The following C17orf75 variants were observed in gnomAD, a reference collection of about 807,000 sequenced individuals.
C17orf75 encodes chromosome 17 open reading frame 75, also known as protein Njmu-R1.
C17orf75 carries 32 observed loss-of-function variants against 49.6 expected under a neutral mutation model. The observed-to-expected ratio is 0.65, with a 90% CI of 0.49 to 0.87. The LOEUF (loss-of-function observed/expected upper bound fraction) is 0.87. C17orf75 is among the 40% of genes least tolerant of loss of function. The pLI is 0.00. For synonymous variants in C17orf75, 158 were observed against 159.5 expected (o/e 0.99, Z 0.07); for missense variants, 428 against 473.9 (o/e 0.90, Z 0.90).
At chr17:32,339,230 T>C (rs2150777689) in intron 3 of C17orf75, among the ~76,000 whole-genome samples, 2 of 144,064 alleles carry the variant, frequency 1.4e-5, no homozygotes, top group Middle Eastern at 6.8e-3. Flanking sequence ...TCTGAGTTTA[T>C]TTCCTCATCT....
upstream of C17orf75, chr17:32,344,024 A>G: frequency 1.5e-6 from 1 of 676,920 alleles, no homozygotes; most frequent in Admixed American, 2.0e-5. Flanking sequence ...ACAGAACCAA[A>G]ACTGGGTGCA....
At chr17:32,338,054 C>G in intron 4 of C17orf75, 100 bp from the exon 5 acceptor site, 2 of 1,519,292 alleles carry the variant, frequency 1.3e-6, no homozygotes, top group South Asian at 2.3e-5. Context: ...GCTGCAAATG[C>G]AAACAAGCCA....
chr17:32,341,573 G>A (rs2041380364), intron 1 of C17orf75, among the ~76,000 whole-genome samples: 1 of 152,174 alleles, frequency 6.6e-6, no homozygotes, highest in South Asian at 2.1e-4. Context: ...AAAGTCAGAA[G>A]GAGGAAAAAG....
chr17:32,331,878 C>T lies in C17orf75; in HGVS notation c.1076G>A (p.Ser359Asn), dbSNP rs745905918. The change falls in exon 10 of 10, where the codon AGT becomes AAT. Residue 359 changes from serine (S) to asparagine (N), a missense_variant. By Grantham distance (46) the Ser-to-Asn change is conservative. Transcript: ENST00000577809. ...KCYMFLKNCG[S>N]GDILLKIVKV... ...AACAATCTTCAAAAGTATATCTCCA[C>T]TACCACAGTTCTTTAGGAACATGTA... The T allele has an allele frequency of 6.2e-7, 1 of 1,613,476 alleles. No homozygotes were observed. The highest frequency in any genetic ancestry group is 1.1e-5 in the South Asian group (1 of 91,080).
At chr17:32,344,007 T>A (rs1218606830), upstream of C17orf75, 2 of 680,370 alleles carry the variant, frequency 2.9e-6, no homozygotes, top group East Asian at 5.4e-5. Flanking sequence ...GTGGGTTTAA[T>A]CCTGGCACAG....
Position 32,335,407 on chromosome 17 carries a change from C to G in C17orf75, c.585G>C (p.Leu195=), listed in dbSNP as rs970620389. ...ATACAACATCCTCAAACCAGCTGCT[C>G]AGATAGGATTTTATGTGACTCTCCA... ...RGLESHIKSY[L]SSWFEDVVCP... Residue 195 remains leucine, a synonymous_variant, in exon 6 of 10, where the codon CTG becomes CTC. Coordinates refer to ENST00000577809, the MANE Select transcript of C17orf75 (RefSeq NM_022344.4). The G allele has an allele frequency of 3.7e-6, 6 of 1,613,800 alleles. No homozygotes were observed. Among genetic ancestry groups the G allele is most frequent in the Non-Finnish European group, 5.1e-6 (6 of 1,179,858 alleles).
chr17:32,332,694 AG>A (rs2041287627), intron 9 of C17orf75, among the ~76,000 whole-genome samples: 1 of 152,168 alleles, frequency 6.6e-6, no homozygotes, highest in Non-Finnish European at 1.5e-5. Flanking sequence ...TGAACCCAGG[AG>A]GTTAAGGCTG....
intron 3 of C17orf75, among the ~76,000 whole-genome samples, chr17:32,338,646 TA>T (rs1052334128): frequency 6.6e-6 from 1 of 152,036 alleles, no homozygotes; most frequent in African/African-American, 2.4e-5. Flanking sequence ...ATGTTTATAT[TA>T]AAAAAAAGTA....
In C17orf75 at chr17:32,334,307, T is replaced by C. The variant is rs182529057; in HGVS notation, c.871+162A>G. On this transcript the variant is annotated intron_variant, in intron 8 of 9. Transcript: ENST00000577809. ...TGCTAGGCATGGCATGATTTCCATGTTTCTAGAATTATATTGTTTTCACCA... is the reference window on the plus strand; with the variant it reads ...TGCTAGGCATGGCATGATTTCCATGCTTCTAGAATTATATTGTTTTCACCA... 8.5e-5 allele frequency among the ~76,000 whole-genome samples: 13 copies of C among 152,370 alleles called. No individual in the cohort carries two copies. In the East Asian group the frequency reaches 2.1e-3, roughly 25 times the overall value.
In C17orf75 at chr17:32,330,957, C is replaced by T. The variant is rs887603632; in HGVS notation, c.*806G>A. ...CTCCACCTCCTGGGTTCACGCCACT[C>T]TCCTGCCTCAGCCTCCAGAGTAGCT... On this transcript the variant is annotated 3_prime_UTR_variant, in exon 10 of 10. Transcript: ENST00000577809. 6 of 152,236 alleles carry T rather than the reference C, an allele frequency of 3.9e-5. No individual in the cohort carries two copies. The highest frequency in any genetic ancestry group is 8.8e-5 in the Non-Finnish European group (6 of 68,104). 9.4% of individuals were successfully genotyped at this position (152,236 alleles called of 1,614,324 possible).
chr17:32,349,335 A>T (rs1025794341), intron 1 of C17orf75, among the ~76,000 whole-genome samples: 2 of 151,626 alleles, frequency 1.3e-5, no homozygotes, highest in African/African-American at 2.4e-5. Context: ...GCAATCCAGC[A>T]CTTTGGGAGG....
Position 32,329,218 on chromosome 17 carries a change from C to G in C17orf75, c.*2545G>C, listed in dbSNP as rs1451687252. The G allele has an allele frequency of 6.6e-6, 1 of 152,206 alleles. No individual in the cohort carries two copies. Among genetic ancestry groups the G allele is most frequent in the Non-Finnish European group, 1.5e-5 (1 of 68,150 alleles). The allele number at this position is 152,206 out of a possible 1,614,324, so 9.4% of individuals were successfully genotyped here. ...AGTAGCTGGAACTACAGACGCCTGC[C>G]ACCACGCCCGGCTAATTTTTTGTAC... is the stretch of plus-strand genomic sequence containing the variant. On this transcript the variant is annotated 3_prime_UTR_variant, in exon 10 of 10. Coordinates refer to ENST00000577809, the MANE Select transcript of C17orf75 (RefSeq NM_022344.4).
intron 3 of C17orf75, 25 bp from the exon 4 acceptor site, chr17:32,338,376 T>A (rs2041346416): frequency 6.3e-7 from 1 of 1,594,146 alleles, no homozygotes. Context: ...AAATGTAAAA[T>A]GCATTATTTT....
upstream of C17orf75, chr17:32,342,314 G>C (rs1353823967): frequency 5.6e-6 from 6 of 1,078,358 alleles, no homozygotes; most frequent in South Asian, 2.2e-5. Flanking sequence ...CCCCACAGGG[G>C]CTGACAGGCG....
intron 2 of C17orf75, 128 bp downstream of exon 2, chr17:32,341,076 G>A: frequency 7.2e-6 from 7 of 966,138 alleles, no homozygotes; most frequent in Non-Finnish European, 1.1e-5. Context: ...GGTTCCTAGG[G>A]GATAGGAGGA....
chr17:32,349,854 A>G, intron 1 of C17orf75: 5 of 924,056 alleles, frequency 5.4e-6, no homozygotes, highest in Middle Eastern at 5.5e-4. Context: ...CGCTGTCTCT[A>G]TCTTTATTTG....
Position 32,333,561 on chromosome 17 carries a change from A to G in C17orf75, c.872-41T>C, listed in dbSNP as rs779012360. On this transcript the variant is annotated intron_variant, in intron 8 of 9. Transcript: ENST00000577809. ...GAGAGACTAAATAAAATGAAATTTT[A>G]CAAAGCTTTATTTATTTATTTATTT... The G allele has an allele frequency of 6.0e-6, 9 of 1,503,858 alleles. No individual in the cohort carries two copies. The South Asian group carries it at 1.1e-4, about 18-fold the overall frequency. 93.2% of individuals were successfully genotyped at this position (1,503,858 alleles called of 1,614,324 possible).
At chr17:32,349,237 C>T (rs1215576814) in intron 1 of C17orf75, among the ~76,000 whole-genome samples, 1 of 152,202 alleles carries the variant, frequency 6.6e-6, no homozygotes, top group East Asian at 1.9e-4. Flanking sequence ...TCTTTGCTCC[C>T]TTACGGAGAT....
chr17:32,341,693 T>G, intron 1 of C17orf75: 1 of 589,168 alleles, frequency 1.7e-6, no homozygotes, highest in South Asian at 5.4e-5. Context: ...GAACTGAAAT[T>G]ATTGAGCATG....
Sources: allele counts gnomAD v4.1 joint callset (sites outside exome capture counted in the v4.1 genomes callset), GRCh38; gene constraint gnomAD v4.1.1; transcripts MANE v1.5; gene names NCBI Gene and HGNC (gene_info 2026-07-23, HGNC 2026-07-21).